Variants in FUT9 observed in about 807,000 individuals in gnomAD.
FUT9 encodes the protein fucosyltransferase 9, also known as 4-galactosyl-N-acetylglucosaminide 3-alpha-L-fucosyltransferase 9.
In FUT9, 15 loss-of-function variants were observed where a neutral mutation model predicts 29.7. That is an observed-to-expected ratio of 0.51 (90% CI 0.34 to 0.78). The LOEUF is 0.78. Ranked by LOEUF, FUT9 falls within the 30% of genes least tolerant of loss-of-function variation. FUT9 has a pLI of 0.01. For missense variants in FUT9, 319 were observed against 425.4 expected, an observed-to-expected ratio of 0.75 and a Z score of 2.20; for synonymous variants, 169 against 153.7, an observed-to-expected ratio of 1.10 and a Z score of -0.74.
intron 1 of FUT9, among the ~76,000 whole-genome samples, chr6:96,025,499 A>G (rs372733406): frequency 7.2e-5 from 11 of 151,786 alleles, no homozygotes; most frequent in Admixed American, 5.3e-4. Context: ...ACATTCTTGG[A>G]TGAGTGTGTA....
intron 1 of FUT9, among the ~76,000 whole-genome samples, chr6:96,030,462 A>C (rs1770242479): frequency 6.6e-6 from 1 of 151,566 alleles, no homozygotes; most frequent in African/African-American, 2.4e-5. Context: ...CAAACAAACA[A>C]AATCATGACC....
rs1242427117 is a variant in FUT9, at chr6:96,212,204, A to T, written c.*7969A>T. 3 of 412,606 alleles carry T rather than the reference A, an allele frequency of 7.3e-6. No individual in the cohort carries two copies. Among genetic ancestry groups the T allele is most frequent in the Non-Finnish European group, 1.3e-5 (3 of 225,654 alleles). The allele number at this position is 412,606 out of a possible 1,614,324, so 25.6% of individuals were successfully genotyped here. On this transcript the variant is annotated 3_prime_UTR_variant, in exon 3 of 3. Transcript: ENST00000302103. The stretch of plus-strand genomic sequence containing the variant: ...TACAATATCACATCTCCAGTCTCAG[A>T]TTGGCCTCATTAGCCACCTTCAGTT...
At position 96,106,415 on chromosome 6, in the gene FUT9, C is replaced by T. The variant is rs145590874; in HGVS notation, c.-97-7624C>T. 5.6e-3 allele frequency among the ~76,000 whole-genome samples: 856 copies of T among 151,954 alleles called. 8 individuals are homozygous for T. Among genetic ancestry groups the T allele is most frequent in the African/African-American group, 0.019 (795 of 41,474 alleles). On this transcript the variant is annotated intron_variant, in intron 1 of 2. Coordinates refer to ENST00000302103, the MANE Select transcript of FUT9 (RefSeq NM_006581.4). ...TATTCAATTTTTTTCTTGTTATTGC[C>T]ATAGACAAAAAATTAATAAAGGGGT...
At chr6:96,163,931 T>G (rs1290748810) in intron 2 of FUT9, among the ~76,000 whole-genome samples, 1 of 152,216 alleles carries the variant, frequency 6.6e-6, no homozygotes, top group Non-Finnish European at 1.5e-5. Context: ...ATTTAGGAGT[T>G]TATTTTGCCA....
intron 2 of FUT9, 111 bp from the exon 3 acceptor site, chr6:96,203,037 A>ATTAC: frequency 2.6e-6 from 2 of 779,170 alleles, no homozygotes; most frequent in Admixed American, 4.8e-5. Flanking sequence ...AATGCAGTTG[A>ATTAC]TTACTACTTG....
rs117630670 is a variant in FUT9, at chr6:96,171,137, A to G, written c.-8-32011A>G. Among the ~76,000 whole-genome samples, 374 of 152,330 alleles carry G rather than the reference A, an allele frequency of 2.5e-3. 18 individuals are homozygous for G. In the East Asian group the frequency reaches 0.058, roughly 24 times the overall value. On this transcript the variant is annotated intron_variant, in intron 2 of 2. Transcript: ENST00000302103. ...TAACTGATTCCAGAATGCATTTTCAAGTTGGCAACCAAACAGGTGACTGAG... is the reference window on the plus strand; with the variant it reads ...TAACTGATTCCAGAATGCATTTTCAGGTTGGCAACCAAACAGGTGACTGAG...
intron 2 of FUT9, among the ~76,000 whole-genome samples, chr6:96,182,100 A>G (rs781024614): frequency 6.6e-6 from 1 of 151,804 alleles, no homozygotes; most frequent in Non-Finnish European, 1.5e-5. Context: ...TTAGTTTTTG[A>G]TTTTTTGATT....
intron 2 of FUT9, among the ~76,000 whole-genome samples, chr6:96,136,502 A>G (rs1049106370): frequency 6.6e-6 from 1 of 151,998 alleles, no homozygotes; most frequent in African/African-American, 2.4e-5. Flanking sequence ...TCTTGCAGTT[A>G]TGAGCTAATT....
intron 2 of FUT9, among the ~76,000 whole-genome samples, chr6:96,130,690 A>G (rs1582255314): frequency 6.6e-6 from 1 of 152,226 alleles, no homozygotes; most frequent in East Asian, 1.9e-4. Flanking sequence ...ATAATACAGT[A>G]AAATTTGTTT....
chr6:96,208,272 A>ATT lies in FUT9; in HGVS notation c.*4046_*4047dup, dbSNP rs11393475. The ATT allele has an allele frequency of 0.17, 27,539 of 162,414 alleles. 2,362 individuals are homozygous for ATT. Among genetic ancestry groups the ATT allele is most frequent in the Admixed American group, 0.25 (3,773 of 15,028 alleles). The allele number at this position is 162,414 out of a possible 1,614,324, so 10.1% of individuals were successfully genotyped here. On this transcript the variant is annotated 3_prime_UTR_variant, in exon 3 of 3. Coordinates refer to ENST00000302103, the MANE Select transcript of FUT9 (RefSeq NM_006581.4). ...ATGAGTCTTAAGGTAATATCCTAGA[A>ATT]TTTTTTTTTTGCGTGAATTAAAGTT...
At chr6:96,120,276 T>G (rs1771998815) in intron 2 of FUT9, among the ~76,000 whole-genome samples, 1 of 140,102 alleles carries the variant, frequency 7.1e-6, no homozygotes, top group Admixed American at 7.1e-5. Context: ...TTTCTTTTTT[T>G]TTTTTTTTTT....
intron 2 of FUT9, among the ~76,000 whole-genome samples, chr6:96,129,663 G>C (rs1328860697): frequency 6.6e-6 from 1 of 151,928 alleles, no homozygotes; most frequent in Non-Finnish European, 1.5e-5. Flanking sequence ...TACCTCTTGG[G>C]GAAGAGAATG....
At chr6:96,136,493 C>A (rs1772351384) in intron 2 of FUT9, among the ~76,000 whole-genome samples, 1 of 151,926 alleles carries the variant, frequency 6.6e-6, no homozygotes, top group South Asian at 2.1e-4. Context: ...CATCATCCTT[C>A]TTGCAGTTAT....
chr6:96,112,125 T>C (rs188334860), intron 1 of FUT9, among the ~76,000 whole-genome samples: 164 of 152,314 alleles, frequency 1.1e-3, no homozygotes, highest in African/African-American at 3.6e-3. Context: ...GTGAAGATTG[T>C]AATAAGAAAG....
At chr6:96,147,356 GTGGGGTTT>G (rs1772588856) in intron 2 of FUT9, among the ~76,000 whole-genome samples, 3 of 151,736 alleles carry the variant, frequency 2.0e-5, no homozygotes, top group African/African-American at 7.3e-5. Flanking sequence ...ATGGAGTAGG[GTGGGGTTT>G]CACCGTATTG....
At chr6:96,033,223 A>C (rs891808201) in intron 1 of FUT9, among the ~76,000 whole-genome samples, 1 of 151,710 alleles carries the variant, frequency 6.6e-6, no homozygotes, top group Non-Finnish European at 1.5e-5. Flanking sequence ...AACCACTGCC[A>C]AGCTTTGTTC....
At chr6:96,086,228 A>T (rs971281836) in intron 1 of FUT9, among the ~76,000 whole-genome samples, 1 of 152,170 alleles carries the variant, frequency 6.6e-6, no homozygotes, top group African/African-American at 2.4e-5. Context: ...GTGTTTTCAG[A>T]TTTCCAATTT....
At chr6:96,142,910 A>T (rs1429527413) in intron 2 of FUT9, among the ~76,000 whole-genome samples, 1 of 152,138 alleles carries the variant, frequency 6.6e-6, no homozygotes, top group Non-Finnish European at 1.5e-5. Flanking sequence ...TTATAAAATA[A>T]AGTCATAGCA....
intron 1 of FUT9, among the ~76,000 whole-genome samples, chr6:96,108,818 C>CACACACACCGTTCATTTGT (rs1771743221): frequency 6.6e-6 from 1 of 151,830 alleles, no homozygotes; most frequent in Admixed American, 6.6e-5. Context: ...AAGCCAGACA[C>CACACACACCGTTCATTTGT]ACACACACCG....
Sources: gnomAD v4.1 joint callset for allele counts (sites outside exome capture counted in the v4.1 genomes callset) on GRCh38, gnomAD v4.1.1 for gene constraint, MANE v1.5 for transcripts, NCBI Gene and HGNC (gene_info 2026-07-23, HGNC 2026-07-21) for gene names.